Variants in SLC24A4 observed in about 807,000 individuals in gnomAD.
SLC24A4 encodes the protein sodium/potassium/calcium exchanger 4.
SLC24A4 carries 53 observed loss-of-function variants against 79.0 expected under a neutral mutation model. That is an observed-to-expected ratio of 0.67 (90% CI 0.54 to 0.84). The LOEUF is 0.84. Among genes scored for constraint, SLC24A4 ranks in the 40% least tolerant of loss-of-function variants. The pLI, the probability that SLC24A4 is intolerant of heterozygous loss-of-function variation, is 0.00. For synonymous variants in SLC24A4, 323 were observed against 323.8 expected, an observed-to-expected ratio of 1.00 and a Z score of 0.03; for missense variants, 731 against 822.0, an observed-to-expected ratio of 0.89 and a Z score of 1.35.
chr14:92,336,151 C>T (rs1028410259), intron 2 of SLC24A4, among the ~76,000 whole-genome samples: 1 of 152,150 alleles, frequency 6.6e-6, no homozygotes, highest in Non-Finnish European at 1.5e-5. Flanking sequence ...CCTCTTGAAC[C>T]CTGAGGAACG....
At chr14:92,418,936 A>G (rs1891133897) in intron 2 of SLC24A4, among the ~76,000 whole-genome samples, 1 of 152,164 alleles carries the variant, frequency 6.6e-6, no homozygotes, top group African/African-American at 2.4e-5. Flanking sequence ...TCCTGACCTC[A>G]GGTGATCCAC....
At chr14:92,342,099 A>G (rs1038502033) in intron 2 of SLC24A4, among the ~76,000 whole-genome samples, 7 of 152,080 alleles carry the variant, frequency 4.6e-5, no homozygotes, top group African/African-American at 7.2e-5. Context: ...TGCCTCTTCC[A>G]CAGTCCCCGA....
intron 9 of SLC24A4, among the ~76,000 whole-genome samples, chr14:92,448,869 A>G (rs950181003): frequency 1.3e-5 from 2 of 152,212 alleles, no homozygotes; most frequent in Admixed American, 6.5e-5. Flanking sequence ...CAATAGGAGC[A>G]GGTGCCACCA....
Position 92,346,693 on chromosome 14 carries a change from C to T in SLC24A4, c.241+20715C>T, listed in dbSNP as rs113792242. Among the ~76,000 whole-genome samples the T allele has an allele frequency of 9.4e-3, 1,431 of 152,288 alleles. 18 individuals carry two copies. The highest frequency in any genetic ancestry group is 0.031 in the African/African-American group (1,285 of 41,550). ...AAATCAGTGTTTTGAACTAGGGCTG[C>T]GGTTCTCAACTTTGGCTGCTCATTA... is the stretch of plus-strand genomic sequence containing the variant. On this transcript the variant is annotated intron_variant, in intron 2 of 16. Coordinates refer to ENST00000532405, the MANE Select transcript of SLC24A4 (RefSeq NM_153646.4).
intron 2 of SLC24A4, among the ~76,000 whole-genome samples, chr14:92,376,333 T>C (rs2141700022): frequency 6.6e-6 from 1 of 152,360 alleles, no homozygotes; most frequent in Non-Finnish European, 1.5e-5. Flanking sequence ...TCAACTCTAG[T>C]AGCCTCTTCT....
intron 13 of SLC24A4, chr14:92,484,358 T>C (rs1895242173): frequency 2.0e-6 from 2 of 985,258 alleles, no homozygotes; most frequent in African/African-American, 3.5e-5. Flanking sequence ...CCTGTCCCTG[T>C]GGCAGAGCCT....
intron 2 of SLC24A4, among the ~76,000 whole-genome samples, chr14:92,358,402 T>C (rs1887299996): frequency 1.3e-5 from 2 of 152,150 alleles, no homozygotes; most frequent in Non-Finnish European, 2.9e-5. Context: ...CATCGAATAA[T>C]CTATTATTTG....
intron 2 of SLC24A4, among the ~76,000 whole-genome samples, chr14:92,399,902 T>C (rs1363734506): frequency 3.3e-5 from 5 of 151,982 alleles, no homozygotes; most frequent in Admixed American, 2.0e-4. Context: ...AGTTTTTGTT[T>C]CTTGGGGGGT....
At chr14:92,325,147 G>A (rs1415191306) in intron 1 of SLC24A4, among the ~76,000 whole-genome samples, 1 of 152,190 alleles carries the variant, frequency 6.6e-6, no homozygotes, top group Non-Finnish European at 1.5e-5. Flanking sequence ...CAGCATTATA[G>A]AAGAGGTATT....
In SLC24A4 at chr14:92,398,267, T is replaced by A. The variant is rs1889893104; in HGVS notation, c.242-35645T>A. Reference sequence around the variant, plus strand: ...GGACAGTTGAGTGCTAGACTAAGGATGCCCTTATCTTCGGAGCAGTAGAGG... The same window carrying A: ...GGACAGTTGAGTGCTAGACTAAGGAAGCCCTTATCTTCGGAGCAGTAGAGG... On this transcript the variant is annotated intron_variant, in intron 2 of 16. Coordinates refer to ENST00000532405, the MANE Select transcript of SLC24A4 (RefSeq NM_153646.4). This position sits in a 1 kb window ranked among gnomAD's most constrained non-coding sequence, Gnocchi z 4.1. Among the ~76,000 whole-genome samples, 1 of 152,196 alleles carries A rather than the reference T, an allele frequency of 6.6e-6. No homozygotes were observed. Among genetic ancestry groups the A allele is most frequent in the Admixed American group, 6.5e-5 (1 of 15,278 alleles).
intron 2 of SLC24A4, among the ~76,000 whole-genome samples, chr14:92,401,173 T>C (rs1488393545): frequency 6.6e-6 from 1 of 151,976 alleles, no homozygotes; most frequent in East Asian, 1.9e-4. Context: ...CCTCTTAGAG[T>C]TGACTTAGCC....
In SLC24A4 at chr14:92,339,172, C is replaced by T. The variant is rs1311263372; in HGVS notation, c.241+13194C>T. 7.2e-5 allele frequency among the ~76,000 whole-genome samples: 11 copies of T among 152,306 alleles called. No homozygotes were observed. In the East Asian group the frequency reaches 1.2e-3, roughly 16 times the overall value. On this transcript the variant is annotated intron_variant, in intron 2 of 16. Transcript: ENST00000532405. Reference sequence around the variant, plus strand: ...CCGTCCTAGATGCGGACCCGGCCTCCGGGGAGCTTCCATTTGAGTTGACAG... The same window carrying T: ...CCGTCCTAGATGCGGACCCGGCCTCTGGGGAGCTTCCATTTGAGTTGACAG...
chr14:92,493,974 G>T lies in SLC24A4; in HGVS notation c.*346G>T, dbSNP rs969358606. On this transcript the variant is annotated 3_prime_UTR_variant, in exon 17 of 17. Coordinates refer to ENST00000532405, the MANE Select transcript of SLC24A4 (RefSeq NM_153646.4). The stretch of plus-strand genomic sequence containing the variant: ...TGCATGCAGTTTGTCTTTCTGTTCT[G>T]CAGGCAGCTTCAGAATTGAGGTCAT... The T allele has an allele frequency of 1.3e-5, 3 of 232,450 alleles. No homozygotes were observed. In the East Asian group the frequency reaches 3.0e-4, roughly 23 times the overall value. 14.4% of individuals were successfully genotyped at this position (232,450 alleles called of 1,614,324 possible).
chr14:92,435,328 A>AT (rs961274602), intron 3 of SLC24A4, among the ~76,000 whole-genome samples: 4 of 152,212 alleles, frequency 2.6e-5, no homozygotes, highest in Non-Finnish European at 4.4e-5. Flanking sequence ...CTCAATGCCT[A>AT]TTTTTGTAAA....
At chr14:92,419,354 T>C (rs1891155820) in intron 2 of SLC24A4, among the ~76,000 whole-genome samples, 1 of 152,044 alleles carries the variant, frequency 6.6e-6, no homozygotes, top group Non-Finnish European at 1.5e-5. Flanking sequence ...CCACCCTCCT[T>C]TGGGTTTGGG....
chr14:92,434,938 T>G (rs1475995430), intron 3 of SLC24A4, among the ~76,000 whole-genome samples: 1 of 152,100 alleles, frequency 6.6e-6, no homozygotes, highest in Non-Finnish European at 1.5e-5. Context: ...CACACCCAGT[T>G]AATTTTTGTA....
At chr14:92,372,633 C>T (rs1888233510) in intron 2 of SLC24A4, among the ~76,000 whole-genome samples, 1 of 152,130 alleles carries the variant, frequency 6.6e-6, no homozygotes, top group Non-Finnish European at 1.5e-5. Context: ...AATCCAGGTC[C>T]ATGTTTTCTA....
At chr14:92,424,129 T>C (rs549084705) in intron 2 of SLC24A4, among the ~76,000 whole-genome samples, 141 of 152,280 alleles carry the variant, frequency 9.3e-4, no homozygotes, top group Middle Eastern at 6.8e-3. Flanking sequence ...CCACCAATCA[T>C]TGGATTCGGG....
At chr14:92,474,865 T>TATATATATATA (rs1566795878) in intron 12 of SLC24A4, among the ~76,000 whole-genome samples, 1 of 30,950 alleles carries the variant, frequency 3.2e-5, no homozygotes, top group South Asian at 1.2e-3. Context: ...ATATATATAT[T>TATATATATATA]TTTTTTTTTT....
Sources: allele counts gnomAD v4.1 joint callset (sites outside exome capture counted in the v4.1 genomes callset), GRCh38; gene constraint gnomAD v4.1.1; non-coding constraint Gnocchi (gnomAD v3.1); transcripts MANE v1.5; gene names NCBI Gene and HGNC (gene_info 2026-07-23, HGNC 2026-07-21).